The following DDX10 variants were observed in gnomAD, a reference collection of about 807,000 sequenced individuals.
DDX10 encodes probable ATP-dependent RNA helicase DDX10.
In DDX10, 74 loss-of-function variants were observed where a neutral mutation model predicts 104.3. That is an observed-to-expected ratio of 0.71 (90% confidence interval 0.59 to 0.86). The LOEUF (loss-of-function observed/expected upper bound fraction) is 0.86. Among genes scored for constraint, DDX10 ranks in the 40% least tolerant of loss-of-function variants. The probability of loss-of-function intolerance (pLI) is 0.00; values close to 1 mark genes in which losing one functional copy is unlikely to be tolerated. For missense variants in DDX10, 952 were observed against 1,040.0 expected, an observed-to-expected ratio of 0.92 and a Z score of 1.16; for synonymous variants, 351 against 353.4, an observed-to-expected ratio of 0.99 and a Z score of 0.08.
intron 13 of DDX10, among the ~76,000 whole-genome samples, chr11:108,779,079 A>G (rs897585498): frequency 6.6e-5 from 10 of 152,208 alleles, no homozygotes; most frequent in Non-Finnish European, 1.5e-4. Flanking sequence ...ACCCTTTTAC[A>G]CTGTTGGTGG....
intron 16 of DDX10, among the ~76,000 whole-genome samples, chr11:108,887,863 T>G (rs1204426997): frequency 6.6e-6 from 1 of 151,740 alleles, no homozygotes; most frequent in Admixed American, 6.6e-5. Flanking sequence ...GAGATTGCGG[T>G]GAGCCGCGAT....
chr11:108,730,295 G>C (rs1175975502), intron 13 of DDX10, among the ~76,000 whole-genome samples: 1 of 152,124 alleles, frequency 6.6e-6, no homozygotes, highest in Non-Finnish European at 1.5e-5. Flanking sequence ...CAACCACTAG[G>C]ACCTAGACAG....
intron 5 of DDX10, 61 bp downstream of exon 5, chr11:108,678,496 T>C: frequency 7.2e-7 from 1 of 1,381,178 alleles, no homozygotes; most frequent in South Asian, 1.7e-5. Context: ...AGAGAGCCCT[T>C]ATACATTTTT....
At chr11:108,915,428 G>A (rs944776699) in intron 16 of DDX10, among the ~76,000 whole-genome samples, 1 of 143,384 alleles carries the variant, frequency 7.0e-6, no homozygotes, top group East Asian at 2.0e-4. Context: ...TACTAAAAAG[G>A]CTTGTTTTTT....
intron 14 of DDX10, among the ~76,000 whole-genome samples, chr11:108,840,855 A>G (rs893581024): frequency 6.6e-6 from 1 of 152,222 alleles, no homozygotes; most frequent in African/African-American, 2.4e-5. Flanking sequence ...AATTCTAGTA[A>G]GAGAAACAGG....
At chr11:108,779,623 C>G (rs2094375392) in intron 13 of DDX10, among the ~76,000 whole-genome samples, 1 of 151,974 alleles carries the variant, frequency 6.6e-6, no homozygotes, top group African/African-American at 2.4e-5. Context: ...ACATATGTAA[C>G]AAACCTGCAC....
intron 16 of DDX10, among the ~76,000 whole-genome samples, chr11:108,882,467 T>G (rs1024170948): frequency 2.0e-5 from 3 of 152,272 alleles, no homozygotes; most frequent in African/African-American, 7.2e-5. Flanking sequence ...TGGGCTGAAA[T>G]GAGCTCAGCA....
chr11:108,940,246 T>C lies in DDX10; in HGVS notation c.2451T>C (p.Ser817=). 1 of 1,613,678 alleles carries C rather than the reference T, an allele frequency of 6.2e-7. No homozygotes were observed. The highest frequency in any genetic ancestry group is 8.5e-7 in the Non-Finnish European group (1 of 1,179,878). ...SDSEDMENKI[S]DTKKKQGMKK... ...AAATCTTTGGATTTCTTCTCACCAG[T>C]GATACCAAGAAGAAGCAGGGGATGA... Residue 817 remains serine, a splice_region_variant and synonymous_variant, in exon 18 of 18, where the codon AGT becomes AGC. Transcript: ENST00000322536.
At position 108,674,534 on chromosome 11, in the gene DDX10, A is replaced by G. The variant is rs1454163065; in HGVS notation, c.247+1007A>G. Among the ~76,000 whole-genome samples the G allele has an allele frequency of 2.7e-5, 4 of 150,358 alleles. 1 individual carries two copies. Among genetic ancestry groups the G allele is most frequent in the Admixed American group, 6.6e-5 (1 of 15,072 alleles). On this transcript the variant is annotated intron_variant, in intron 2 of 17. Coordinates refer to ENST00000322536, the MANE Select transcript of DDX10 (RefSeq NM_004398.4). ...GATCTCTCTTTTTTTTTTTTAAGAT[A>G]GGGTCTTGCTCCGTCACCCAGGGTG... is the stretch of plus-strand genomic sequence containing the variant.
At chr11:108,856,408 G>A (rs949881372) in intron 16 of DDX10, among the ~76,000 whole-genome samples, 1 of 151,810 alleles carries the variant, frequency 6.6e-6, no homozygotes, top group Non-Finnish European at 1.5e-5. Context: ...TCCAGCCTGG[G>A]TGACAGAGCG....
intron 13 of DDX10, among the ~76,000 whole-genome samples, chr11:108,786,823 G>A (rs1861801106): frequency 6.6e-6 from 1 of 152,132 alleles, no homozygotes; most frequent in Non-Finnish European, 1.5e-5. Flanking sequence ...CCTTTTAAGT[G>A]GGGAGATTTA....
At chr11:108,865,759 T>G (rs1020492112) in intron 16 of DDX10, among the ~76,000 whole-genome samples, 6 of 152,258 alleles carry the variant, frequency 3.9e-5, no homozygotes, top group Non-Finnish European at 8.8e-5. Context: ...TCTACGCATA[T>G]TTCTTGAGTG....
At chr11:108,856,476 C>G (rs548064326) in intron 16 of DDX10, among the ~76,000 whole-genome samples, 1 of 151,106 alleles carries the variant, frequency 6.6e-6, no homozygotes, top group Non-Finnish European at 1.5e-5. Flanking sequence ...AAACAAAAAA[C>G]AAAAAACAAA....
At chr11:108,737,141 T>A (rs1004696582) in intron 13 of DDX10, among the ~76,000 whole-genome samples, 2 of 152,190 alleles carry the variant, frequency 1.3e-5, no homozygotes, top group African/African-American at 4.8e-5. Context: ...AACACTTTCA[T>A]CCCTAGTATC....
At chr11:108,860,083 G>A (rs766148786) in intron 16 of DDX10, among the ~76,000 whole-genome samples, 3 of 152,072 alleles carry the variant, frequency 2.0e-5, no homozygotes, top group Non-Finnish European at 4.4e-5. Flanking sequence ...AGAAAAAGAG[G>A]CAGGGCTAGA....
chr11:108,913,719 TAGAGAC>T (rs921611991), intron 16 of DDX10, among the ~76,000 whole-genome samples: 2 of 152,124 alleles, frequency 1.3e-5, no homozygotes, highest in Admixed American at 6.5e-5. Context: ...AAATCAAAGA[TAGAGAC>T]AGAGCAGCTA....
chr11:108,865,214 C>T (rs897160604), intron 16 of DDX10, among the ~76,000 whole-genome samples: 1 of 151,988 alleles, frequency 6.6e-6, no homozygotes, highest in African/African-American at 2.4e-5. Context: ...TTAGAGGGTC[C>T]GACAGCCTGG....
chr11:108,835,489 G>A (rs778588057), intron 13 of DDX10, among the ~76,000 whole-genome samples: 11 of 152,228 alleles, frequency 7.2e-5, no homozygotes, highest in African/African-American at 2.7e-4. Context: ...AGGGCCTTGA[G>A]TGAGTTGTCC....
intron 11 of DDX10, among the ~76,000 whole-genome samples, chr11:108,716,936 A>G (rs1245647790): frequency 6.6e-6 from 1 of 151,554 alleles, no homozygotes; most frequent in Non-Finnish European, 1.5e-5. Context: ...TTTTTTTTAA[A>G]GTTTTTAGAA....
Sources: allele counts gnomAD v4.1 joint callset (sites outside exome capture counted in the v4.1 genomes callset), GRCh38; gene constraint gnomAD v4.1.1; transcripts MANE v1.5; gene names NCBI Gene and HGNC (gene_info 2026-07-23, HGNC 2026-07-21).